Variants in MACROD2 observed in about 807,000 individuals in gnomAD.
MACROD2 encodes the protein ADP-ribose glycohydrolase MACROD2.
A neutral mutation model predicts 70.4 loss-of-function variants in MACROD2; 36 were observed. The observed-to-expected ratio is 0.51, with a 90% CI of 0.39 to 0.68. The LOEUF is 0.68. Ranked by LOEUF, MACROD2 falls within the 30% of genes least tolerant of loss-of-function variation. The pLI, the probability that MACROD2 is intolerant of heterozygous loss-of-function variation, is 0.00. For missense variants in MACROD2, 496 were observed against 538.4 expected (o/e 0.92, Z 0.78); for synonymous variants, 172 against 178.8 (o/e 0.96, Z 0.30).
At chr20:15,143,134 T>G in intron 5 of MACROD2, among the ~76,000 whole-genome samples, 1 of 152,162 alleles carries the variant, frequency 6.6e-6, no homozygotes, top group Non-Finnish European at 1.5e-5. Flanking sequence ...ACCAACAGTG[T>G]AAAAGTGTTC....
At chr20:15,088,411 A>T (rs1418773639) in intron 5 of MACROD2, among the ~76,000 whole-genome samples, 1 of 6,138 alleles carries the variant, frequency 1.6e-4, no homozygotes, top group South Asian at 1.5e-3. Flanking sequence ...ATATATATAT[A>T]TATATATATA....
At chr20:14,190,361 C>T (rs2081374799) in intron 3 of MACROD2, among the ~76,000 whole-genome samples, 2 of 151,994 alleles carry the variant, frequency 1.3e-5, no homozygotes, top group African/African-American at 4.8e-5. Flanking sequence ...TTTGAAGATA[C>T]AGTATTTAGG....
chr20:14,998,260 C>A (rs910575108), intron 5 of MACROD2, among the ~76,000 whole-genome samples: 1 of 152,106 alleles, frequency 6.6e-6, no homozygotes, highest in Non-Finnish European at 1.5e-5. Context: ...ATAACCTCAC[C>A]ATATGCACTA....
intron 13 of MACROD2, among the ~76,000 whole-genome samples, chr20:15,971,510 A>T (rs1207157966): frequency 6.6e-6 from 1 of 152,288 alleles, no homozygotes; most frequent in South Asian, 2.1e-4. Flanking sequence ...CTCCCTAGCC[A>T]TGTGGAACTG....
intron 3 of MACROD2, among the ~76,000 whole-genome samples, chr20:14,304,183 G>C (rs777559573): frequency 2.0e-5 from 3 of 152,056 alleles, no homozygotes; most frequent in Non-Finnish European, 4.4e-5. Flanking sequence ...TTGATGTCTA[G>C]ATTATTTTAA....
chr20:15,983,204 A>G (rs1009518028), intron 13 of MACROD2, among the ~76,000 whole-genome samples: 1 of 152,188 alleles, frequency 6.6e-6, no homozygotes, highest in African/African-American at 2.4e-5. Flanking sequence ...TCAAGCTTTA[A>G]ATTGATCTGG....
chr20:15,599,123 G>A (rs960338553), intron 8 of MACROD2, among the ~76,000 whole-genome samples: 2 of 152,066 alleles, frequency 1.3e-5, no homozygotes, highest in Non-Finnish European at 2.9e-5. Flanking sequence ...GCTCATGCCT[G>A]TAATCTCAGC....
chr20:14,593,269 A>G (rs1251465698), intron 4 of MACROD2, among the ~76,000 whole-genome samples: 4 of 152,230 alleles, frequency 2.6e-5, no homozygotes, highest in African/African-American at 7.2e-5. Context: ...TATAAAAGGC[A>G]GATGTTTTTA....
chr20:14,165,867 A>G (rs570311510), intron 3 of MACROD2, among the ~76,000 whole-genome samples: 1 of 152,270 alleles, frequency 6.6e-6, no homozygotes, highest in East Asian at 1.9e-4. Flanking sequence ...CTTTTCAGGA[A>G]CCTATCTCTA....
chr20:14,807,327 C>T (rs2072651948), intron 5 of MACROD2, among the ~76,000 whole-genome samples: 1 of 152,072 alleles, frequency 6.6e-6, no homozygotes, highest in South Asian at 2.1e-4. Flanking sequence ...CCAAAAAACT[C>T]CAGAAGACCT....
intron 6 of MACROD2, among the ~76,000 whole-genome samples, chr20:15,296,783 CT>C (rs147772417): frequency 0.074 from 11,233 of 152,216 alleles, 494 homozygotes; most frequent in African/African-American, 0.11. Flanking sequence ...TCAGAAAATG[CT>C]TTGCAGCAAA....
At position 15,874,663 on chromosome 20, in the gene MACROD2, C is replaced by T. The variant is rs577959339; in HGVS notation, c.728-11101C>T. ...TTTCAATTTGCATTTCTCTGATGAC[C>T]AGCAATGATGAGCATTTTTAAATAT... On this transcript the variant is annotated intron_variant, in intron 9 of 17. Coordinates refer to ENST00000684519, the MANE Select transcript of MACROD2 (RefSeq NM_001351661.2). Among the ~76,000 whole-genome samples the T allele has an allele frequency of 3.9e-5, 6 of 152,202 alleles. No homozygotes were observed. The East Asian group carries it at 1.2e-3, about 29-fold the overall frequency.
intron 3 of MACROD2, among the ~76,000 whole-genome samples, chr20:14,449,222 A>G (rs911266531): frequency 6.6e-6 from 1 of 152,122 alleles, no homozygotes; most frequent in Non-Finnish European, 1.5e-5. Flanking sequence ...TCTGCATCAC[A>G]ATTGAAAAAG....
intron 6 of MACROD2, among the ~76,000 whole-genome samples, chr20:15,282,262 A>T (rs1012631921): frequency 6.6e-6 from 1 of 152,242 alleles, no homozygotes; most frequent in African/African-American, 2.4e-5. Context: ...GGTGATTAAC[A>T]TTTGGCTCCT....
At chr20:15,893,903 AAAG>A (rs1002586481) in intron 10 of MACROD2, 1 of 456,740 alleles carries the variant, frequency 2.2e-6, no homozygotes, top group Non-Finnish European at 4.4e-6. Flanking sequence ...GGAGAGAAGA[AAAG>A]AAGGAGGCTC....
intron 5 of MACROD2, among the ~76,000 whole-genome samples, chr20:15,187,702 A>C (rs553716080): frequency 6.6e-6 from 1 of 152,322 alleles, no homozygotes; most frequent in Non-Finnish European, 1.5e-5. Flanking sequence ...GACATGTTGT[A>C]ATTATTATTA....
At chr20:15,536,389 A>G (rs978846230) in intron 8 of MACROD2, among the ~76,000 whole-genome samples, 1 of 152,196 alleles carries the variant, frequency 6.6e-6, no homozygotes, top group African/African-American at 2.4e-5. Context: ...GGTGGATTCC[A>G]TTATTCTAAG....
chr20:14,145,475 T>G lies in MACROD2; in HGVS notation c.271+59747T>G, dbSNP rs149252034. ...TAAATACAAATCTTTTAGAAAATATTGACTCTTCCATTTGTGATCATTATG... is the reference window on the plus strand; with the variant it reads ...TAAATACAAATCTTTTAGAAAATATGGACTCTTCCATTTGTGATCATTATG... On this transcript the variant is annotated intron_variant, in intron 3 of 17. Coordinates refer to ENST00000684519, the MANE Select transcript of MACROD2 (RefSeq NM_001351661.2). Among the ~76,000 whole-genome samples, 215 of 152,284 alleles carry G rather than the reference T, an allele frequency of 1.4e-3. 2 individuals carry two copies. The highest frequency in any genetic ancestry group is 2.6e-3 in the Non-Finnish European group (174 of 67,998).
chr20:14,880,570 G>A (rs764817642), intron 5 of MACROD2, among the ~76,000 whole-genome samples: 8 of 152,158 alleles, frequency 5.3e-5, no homozygotes, highest in Non-Finnish European at 8.8e-5. Context: ...TAAAGAGTGT[G>A]AGGGCAGGTC....
Sources: allele counts gnomAD v4.1 joint callset (sites outside exome capture counted in the v4.1 genomes callset), GRCh38; gene constraint gnomAD v4.1.1; transcripts MANE v1.5; gene names NCBI Gene and HGNC (gene_info 2026-07-23, HGNC 2026-07-21).